The following NAALADL2 variants were observed in gnomAD, a reference collection of about 807,000 sequenced individuals.
NAALADL2 encodes the protein inactive N-acetylated-alpha-linked acidic dipeptidase-like protein 2.
In NAALADL2, 76 loss-of-function variants were observed where a neutral mutation model predicts 87.2. The ratio of observed to expected loss-of-function variants is 0.87; its 90% CI spans 0.72 to 1.05. The LOEUF (loss-of-function observed/expected upper bound fraction) is 1.05, where lower values mean the gene tolerates loss of function less well. NAALADL2 is among the 50% of genes least tolerant of loss of function. The pLI is 0.00. For missense variants in NAALADL2, 1,089 were observed against 945.8 expected (o/e 1.15, Z -1.99); for synonymous variants, 354 against 331.0 (o/e 1.07, Z -0.75).
At chr3:175,119,707 A>ATAGATATAGATATAGATG (rs1725834113) in intron 2 of NAALADL2, among the ~76,000 whole-genome samples, 1 of 148,130 alleles carries the variant, frequency 6.8e-6, no homozygotes, top group Non-Finnish European at 1.5e-5. Context: ...AGATATAGAT[A>ATAGATATAGATATAGATG]TAGATATATA....
intron 11 of NAALADL2, among the ~76,000 whole-genome samples, chr3:175,729,861 T>A (rs191586876): frequency 1.1e-4 from 16 of 151,588 alleles, no homozygotes; most frequent in Admixed American, 9.2e-4. Flanking sequence ...TCTTACAGCA[T>A]CAACTTTCAT....
At chr3:174,537,247 G>C (rs1578116389) in intron 1 of NAALADL2, among the ~76,000 whole-genome samples, 1 of 152,112 alleles carries the variant, frequency 6.6e-6, no homozygotes, top group Admixed American at 6.6e-5. Flanking sequence ...ATTAGAAATT[G>C]CTAGCAATTG....
intron 4 of NAALADL2, among the ~76,000 whole-genome samples, chr3:175,295,929 A>G (rs1756303853): frequency 6.6e-6 from 1 of 151,470 alleles, no homozygotes; most frequent in Non-Finnish European, 1.5e-5. Context: ...ATGCCAACCC[A>G]GGCTAGTCTC....
chr3:174,762,761 G>T (rs560386177), intron 3 of NAALADL2, among the ~76,000 whole-genome samples: 2 of 152,168 alleles, frequency 1.3e-5, no homozygotes, highest in East Asian at 3.9e-4. Context: ...AAATCAGCGT[G>T]ATGGGTATAC....
At chr3:175,132,849 A>G (rs77625194) in intron 2 of NAALADL2, among the ~76,000 whole-genome samples, 88,723 of 149,812 alleles carry the variant, frequency 0.59, 27,391 homozygotes, top group African/African-American at 0.79. Context: ...CTTCCCAGAT[A>G]GGGTGGCTGC....
chr3:175,458,788 T>C (rs200733343), intron 6 of NAALADL2, among the ~76,000 whole-genome samples: 1 of 152,022 alleles, frequency 6.6e-6, no homozygotes. Context: ...TAGGCACTGG[T>C]ACATACAGGC....
At chr3:174,734,131 T>C (rs894184008) in intron 2 of NAALADL2, among the ~76,000 whole-genome samples, 1 of 152,182 alleles carries the variant, frequency 6.6e-6, no homozygotes, top group Non-Finnish European at 1.5e-5. Flanking sequence ...AAAATTATCA[T>C]TAATTTCTTG....
intron 11 of NAALADL2, among the ~76,000 whole-genome samples, chr3:175,731,723 T>C (rs2150065878): frequency 6.6e-6 from 1 of 152,304 alleles, no homozygotes; most frequent in East Asian, 1.9e-4. Context: ...TCTCAATCTT[T>C]GTTGCCAGAA....
intron 1 of NAALADL2, among the ~76,000 whole-genome samples, chr3:174,983,230 T>A (rs1312764659): frequency 6.6e-6 from 1 of 152,212 alleles, no homozygotes; most frequent in African/African-American, 2.4e-5. Context: ...TTCTGTATTA[T>A]ATTTTCTGAG....
chr3:175,090,726 A>G (rs1173062318), intron 1 of NAALADL2, among the ~76,000 whole-genome samples: 2 of 152,154 alleles, frequency 1.3e-5, no homozygotes, highest in African/African-American at 2.4e-5. Flanking sequence ...ATTATCCACT[A>G]TGCCTAAATT....
chr3:174,614,052 C>A (rs1198819391), intron 2 of NAALADL2, among the ~76,000 whole-genome samples: 5 of 152,146 alleles, frequency 3.3e-5, no homozygotes, highest in African/African-American at 9.7e-5. Flanking sequence ...GAGCTAGTAT[C>A]TAAAATAGGA....
intron 4 of NAALADL2, among the ~76,000 whole-genome samples, chr3:175,275,190 G>A (rs1025497271): frequency 6.6e-6 from 1 of 152,002 alleles, no homozygotes; most frequent in Non-Finnish European, 1.5e-5. Flanking sequence ...AAAATCAAAG[G>A]CCCATTCCAA....
rs34411803 is a variant in NAALADL2, at chr3:175,807,693, G to GA, written c.*4496dup. On this transcript the variant is annotated 3_prime_UTR_variant, in exon 14 of 14. Transcript: ENST00000454872. ...CATGGGACCATGGATACAGTGCAGGGAAAAAACAAACAAACAATATTTGAG... is the reference window on the plus strand; with the variant it reads ...CATGGGACCATGGATACAGTGCAGGGAAAAAAACAAACAAACAATATTTGAG... The GA allele has an allele frequency of 6.6e-6, 1 of 151,744 alleles. No individual in the cohort carries two copies. Among genetic ancestry groups the GA allele is most frequent in the African/African-American group, 2.4e-5 (1 of 41,364 alleles). 9.4% of individuals were successfully genotyped at this position (151,744 alleles called of 1,614,324 possible).
chr3:175,719,789 T>G (rs1192251623), intron 11 of NAALADL2, among the ~76,000 whole-genome samples: 1 of 152,256 alleles, frequency 6.6e-6, no homozygotes, highest in East Asian at 1.9e-4. Flanking sequence ...CAACAGAAAT[T>G]TATGTCTCAC....
intron 3 of NAALADL2, among the ~76,000 whole-genome samples, chr3:174,779,226 C>T (rs1451314163): frequency 2.0e-5 from 3 of 152,116 alleles, no homozygotes; most frequent in Non-Finnish European, 4.4e-5. Flanking sequence ...TCTCTAATGA[C>T]CAGTGATGAT....
At chr3:174,856,822 C>A (rs974882291), upstream of NAALADL2, among the ~76,000 whole-genome samples, 1 of 151,954 alleles carries the variant, frequency 6.6e-6, no homozygotes, top group Admixed American at 6.6e-5. Context: ...CTAGTTTAAG[C>A]TGTCACACCT....
chr3:175,715,125 T>C (rs1741059103), intron 11 of NAALADL2, among the ~76,000 whole-genome samples: 1 of 152,178 alleles, frequency 6.6e-6, no homozygotes. Flanking sequence ...CTTTCTTTAG[T>C]GTTACTCTTA....
intron 2 of NAALADL2, among the ~76,000 whole-genome samples, chr3:174,707,281 A>C (rs1300412121): frequency 0.04 from 9 of 226 alleles, no homozygotes; most frequent in African/African-American, 0.11. Context: ...TTGACCCACC[A>C]ATCCCCATTA....
intron 3 of NAALADL2, among the ~76,000 whole-genome samples, chr3:174,747,308 C>T (rs977282325): frequency 3.3e-5 from 5 of 151,658 alleles, no homozygotes; most frequent in African/African-American, 1.2e-4. Flanking sequence ...ATTTACGTGG[C>T]CAAAAAACAT....
Sources: allele counts gnomAD v4.1 joint callset (sites outside exome capture counted in the v4.1 genomes callset), GRCh38; gene constraint gnomAD v4.1.1; transcripts MANE v1.5; gene names NCBI Gene and HGNC (gene_info 2026-07-23, HGNC 2026-07-21).